The following NEB variants were observed in gnomAD, a reference collection of about 807,000 sequenced individuals.
The protein encoded by NEB is nebulin, also known as nemaline myopathy type 2.
Under a neutral mutation model 952.2 loss-of-function variants are expected in NEB, and 512 were observed. The ratio of observed to expected loss-of-function variants is 0.54; its 90% CI spans 0.50 to 0.58. The LOEUF is 0.58. Ranked by LOEUF, NEB falls within the 20% of genes least tolerant of loss-of-function variation. The pLI is 0.00. For synonymous variants in NEB, 2,900 were observed against 3,149.8 expected (o/e 0.92, Z 2.66); for missense variants, 8,428 against 9,231.1 (o/e 0.91, Z 3.56).
chr2:151,688,443 T>C, intron 24 of NEB, 47 bp from the exon 25 acceptor site: 1 of 1,449,530 alleles, frequency 6.9e-7, no homozygotes, highest in East Asian at 2.3e-5. Context: ...CTTCTTTGAA[T>C]TTATTTAGGG....
At chr2:151,667,184 T>C (rs567526465) in intron 40 of NEB, among the ~76,000 whole-genome samples, 1 of 150,738 alleles carries the variant, frequency 6.6e-6, no homozygotes, top group South Asian at 2.1e-4. Flanking sequence ...GGATTTTTTT[T>C]CTTCATGGAA....
At chr2:151,688,997 G>T (rs1264462313) in intron 24 of NEB, among the ~76,000 whole-genome samples, 2 of 152,052 alleles carry the variant, frequency 1.3e-5, no homozygotes, top group African/African-American at 4.8e-5. Flanking sequence ...AAGCAAAACC[G>T]TGGATAAGGG....
chr2:151,495,838 G>A (rs2059814352), intron 173 of NEB, among the ~76,000 whole-genome samples: 1 of 152,066 alleles, frequency 6.6e-6, no homozygotes, highest in South Asian at 2.1e-4. Context: ...TTTTTCCCAA[G>A]GTCTCTTTGT....
At position 151,550,507 on chromosome 2, in the gene NEB, G is replaced by A. The variant is rs746761307; in HGVS notation, c.19945-767C>T. Reference sequence around the variant, plus strand: ...AAACACAGTGTGTTGACATCAGGCCGTGAAGAGGTCAGGATGCATGTGTTC... The same window carrying A: ...AAACACAGTGTGTTGACATCAGGCCATGAAGAGGTCAGGATGCATGTGTTC... On this transcript the variant is annotated intron_variant, in intron 129 of 181. Coordinates refer to ENST00000397345, the MANE Select transcript of NEB (RefSeq NM_001164508.2). 1.6e-4 allele frequency among the ~76,000 whole-genome samples: 25 copies of A among 152,254 alleles called. 1 individual carries two copies. Among genetic ancestry groups the A allele is most frequent in the South Asian group, 8.3e-4 (4 of 4,820 alleles).
At chr2:151,647,344 A>T (rs1181266908) in intron 54 of NEB, among the ~76,000 whole-genome samples, 1 of 151,122 alleles carries the variant, frequency 6.6e-6, no homozygotes, top group Non-Finnish European at 1.5e-5. Context: ...TCCTGATCGC[A>T]GGTGATCCAC....
At chr2:151,659,027 C>T (rs1334583085) in intron 47 of NEB, 38 bp downstream of exon 47, 1 of 1,366,392 alleles carries the variant, frequency 7.3e-7, no homozygotes, top group East Asian at 2.3e-5. Flanking sequence ...TTCAAATCTG[C>T]TGGAGAGAAA....
chr2:151,669,513 A>C (rs1416952630), intron 38 of NEB, among the ~76,000 whole-genome samples: 1 of 152,178 alleles, frequency 6.6e-6, no homozygotes, highest in East Asian at 1.9e-4. Flanking sequence ...CAGTAAAGCC[A>C]CTCTGCAGAG....
chr2:151,609,901 T>C lies in NEB; in HGVS notation c.12238A>G (p.Ile4080Val), dbSNP rs768137730. Residue 4080 changes from isoleucine to valine, a missense_variant, in exon 81 of 182, where the codon ATT becomes GTT. Physicochemically the swap from Ile to Val is conservative, Grantham distance 29. This residue lies in a region of NEB where 337 missense variants were observed against 297.5 expected (regional missense o/e 1.13). Transcript: ENST00000397345. ...TCATGCAGGTAATTGCGATAATCAA[T>C]GTCAGTGACCAAAGTCTGACATTTC... The part of the protein sequence containing the change: ...AKKCQTLVTD[I>V]DYRNYLHEWT... 1 of 1,613,850 alleles carries C rather than the reference T, an allele frequency of 6.2e-7. No individual in the cohort carries two copies. The highest frequency in any genetic ancestry group is 8.5e-7 in the Non-Finnish European group (1 of 1,179,790).
intron 28 of NEB, 98 bp downstream of exon 28, chr2:151,684,680 A>C: frequency 8.6e-7 from 1 of 1,164,304 alleles, no homozygotes; most frequent in South Asian, 1.7e-5. Context: ...AGGACAATGC[A>C]GATACCTCTA....
At chr2:151,608,982 G>A (rs2097809658) in intron 81 of NEB, among the ~76,000 whole-genome samples, 1 of 132,312 alleles carries the variant, frequency 7.6e-6, no homozygotes, top group African/African-American at 2.6e-5. Flanking sequence ...TGTATGAGAA[G>A]CAAGGTGCAG....
chr2:151,676,481 G>A (rs1228380234), intron 34 of NEB, among the ~76,000 whole-genome samples: 5 of 152,086 alleles, frequency 3.3e-5, no homozygotes, highest in East Asian at 1.9e-4. Flanking sequence ...CGGCTCCATC[G>A]ATTAAACATA....
chr2:151,525,756 CCCACATTTG>C lies in NEB; in HGVS notation c.22161+193_22161+201del, dbSNP rs2085363373. On this transcript the variant is annotated intron_variant, in intron 150 of 181. Coordinates refer to ENST00000397345, the MANE Select transcript of NEB (RefSeq NM_001164508.2). ...CTAGATTACATGTCCTGTAGCAAAA[CCCACATTTG>C]CCATAATTGCCAGAATTGGAAAGCC... is the stretch of plus-strand genomic sequence containing the variant. 3.3e-5 allele frequency among the ~76,000 whole-genome samples: 5 copies of C among 152,172 alleles called. No individual in the cohort carries two copies. The South Asian group carries it at 1.0e-3, about 32-fold the overall frequency.
chr2:151,715,978 G>C (rs771806021), intron 10 of NEB: 7 of 299,960 alleles, frequency 2.3e-5, no homozygotes, highest in Non-Finnish European at 3.3e-5. Context: ...TGTTTCCTTA[G>C]TAAAGTATCT....
At chr2:151,560,558 G>T in intron 124 of NEB, 34 bp downstream of exon 124, 1 of 1,498,270 alleles carries the variant, frequency 6.7e-7, no homozygotes, top group East Asian at 2.4e-5. Flanking sequence ...GGGGAGGGAG[G>T]GTGGGAAAGC....
intron 12 of NEB, among the ~76,000 whole-genome samples, chr2:151,708,570 C>T (rs1289525979): frequency 6.6e-6 from 1 of 152,164 alleles, no homozygotes; most frequent in African/African-American, 2.4e-5. Flanking sequence ...TGTTTACACT[C>T]ACTCCCTTGA....
In NEB at chr2:151,644,512, T is replaced by C; in HGVS notation, c.7600A>G (p.Ile2534Val). ...GAGGCTTTTGCTGCTTTGATTGGTA[T>C]GGCATCAACAGGAAGATCGTAACCT... ...RKGYDLPVDAIPIKAAKASRE... is the reference protein window; with the variant it reads ...RKGYDLPVDAVPIKAAKASRE... Residue 2534 changes from isoleucine to valine, a missense_variant, in exon 56 of 182, where the codon ATA becomes GTA. Coordinates refer to ENST00000397345, the MANE Select transcript of NEB (RefSeq NM_001164508.2). The C allele has an allele frequency of 6.2e-7, 1 of 1,613,958 alleles. No homozygotes were observed. Among genetic ancestry groups the C allele is most frequent in the South Asian group, 1.1e-5 (1 of 91,090 alleles).
At position 151,655,812 on chromosome 2, in the gene NEB, T is replaced by C; in HGVS notation, c.6702+5A>G. 4 of 1,613,490 alleles carry C rather than the reference T, an allele frequency of 2.5e-6. No individual in the cohort carries two copies. The highest frequency in any genetic ancestry group is 3.4e-6 in the Non-Finnish European group (4 of 1,179,598). ...AGCTGTGTGGACGGCCACTGTTCTC[T>C]GTACCTTGTTCATGGTATGTGCATT... is the stretch of plus-strand genomic sequence containing the variant. On this transcript the variant is annotated splice_donor_5th_base_variant and intron_variant, in intron 50 of 181. Coordinates refer to ENST00000397345, the MANE Select transcript of NEB (RefSeq NM_001164508.2).
Position 151,640,378 on chromosome 2 carries a change from G to A in NEB, c.8662C>T (p.Gln2888Ter). The change falls in exon 61 of 182, where the codon CAG becomes TAG. Residue 2888 changes from glutamine to a stop codon, truncating the protein, a stop_gained. Coordinates refer to ENST00000397345, the MANE Select transcript of NEB (RefSeq NM_001164508.2). LOFTEE classifies it high-confidence loss of function. ...PDQSDVIHAR[Q>*]AYDLQSDNMY... ...ACATCGCTCTGGAGGTCATAGGCCT[G>A]CCGAGCATGGATGACGTCGCTCTGG... 6.2e-7 allele frequency: 1 copy of A among 1,613,894 alleles called. No homozygotes were observed. The highest frequency in any genetic ancestry group is 8.5e-7 in the Non-Finnish European group (1 of 1,179,842).
In NEB at chr2:151,723,386, C is replaced by T; in HGVS notation, c.713G>A (p.Ser238Asn). 1 of 1,605,864 alleles carries T rather than the reference C, an allele frequency of 6.2e-7. No individual in the cohort carries two copies. The highest frequency in any genetic ancestry group is 8.5e-7 in the Non-Finnish European group (1 of 1,175,880). ...TGCCACTTGCATTTCACTTACATCA[C>T]TGAGAGCTTTCTGGGCCTGGGCAAC... is the stretch of plus-strand genomic sequence containing the variant. ...RRVAQAQKAL[S>N]DVAYKKGLAE... Residue 238 changes from serine (S) to asparagine (N), a missense_variant, in exon 9 of 182, where the codon AGT (serine) becomes AAT (asparagine). Around this residue, in one of 11 missense-constraint regions of NEB, gnomAD observed 2,851 missense variants for 2,791.5 expected, o/e 1.02. Coordinates refer to ENST00000397345, the MANE Select transcript of NEB (RefSeq NM_001164508.2).
Sources: allele counts gnomAD v4.1 joint callset (sites outside exome capture counted in the v4.1 genomes callset), GRCh38; gene constraint gnomAD v4.1.1; regional missense constraint gnomAD v4.1.1; transcripts MANE v1.5; gene names NCBI Gene and HGNC (gene_info 2026-07-23, HGNC 2026-07-21).